FAM83A: variants seen among roughly 807,000 people sequenced by gnomAD.
The protein encoded by FAM83A is protein FAM83A.
A neutral mutation model predicts 24.4 loss-of-function variants in FAM83A; 21 were observed. The ratio of observed to expected loss-of-function variants is 0.86; its 90% CI spans 0.61 to 1.24. The LOEUF (loss-of-function observed/expected upper bound fraction) is 1.24. FAM83A is among the 50% of genes most tolerant of loss of function. The pLI is 0.00. For missense variants in FAM83A, 617 were observed against 579.8 expected (o/e 1.06, Z -0.66); for synonymous variants, 270 against 252.4 (o/e 1.07, Z -0.66).
At chr8:123,190,543 G>A (rs1291078139) in intron 1 of FAM83A, among the ~76,000 whole-genome samples, 1 of 152,044 alleles carries the variant, frequency 6.6e-6, no homozygotes, top group Non-Finnish European at 1.5e-5. Flanking sequence ...GGTATTACAG[G>A]CGTGAGCCAC....
At chr8:123,181,062 T>C (rs1392898666), upstream of FAM83A, among the ~76,000 whole-genome samples, 2 of 152,128 alleles carry the variant, frequency 1.3e-5, no homozygotes, top group Non-Finnish European at 2.9e-5. Context: ...TCCTGCCTGA[T>C]CTCCTGCCCC....
At chr8:123,204,697 C>T (rs1476504716) in intron 3 of FAM83A, among the ~76,000 whole-genome samples, 1 of 151,438 alleles carries the variant, frequency 6.6e-6, no homozygotes, top group African/African-American at 2.4e-5. Context: ...AGGAGGCGAG[C>T]TTGCAGTGAG....
intron 3 of FAM83A, among the ~76,000 whole-genome samples, chr8:123,203,586 C>CAAAAAAAAAAAAA (rs1187426797): frequency 2.4e-5 from 1 of 41,166 alleles, no homozygotes; most frequent in Non-Finnish European, 5.8e-5. Flanking sequence ...AGATCTGTCT[C>CAAAAAAAAAAAAA]AAAAAAAAAA....
chr8:123,184,876 G>T (rs1823739199), intron 1 of FAM83A, among the ~76,000 whole-genome samples: 1 of 152,206 alleles, frequency 6.6e-6, no homozygotes, highest in Non-Finnish European at 1.5e-5. Flanking sequence ...TGTTTGGGTT[G>T]GTTTTTTGCT....
chr8:123,206,704 T>C (rs535704363), intron 3 of FAM83A, among the ~76,000 whole-genome samples: 57 of 152,282 alleles, frequency 3.7e-4, no homozygotes, highest in African/African-American at 1.3e-3. Context: ...AAACACATTC[T>C]GGCCCCTGAG....
At chr8:123,185,899 T>G (rs1823775758) in intron 1 of FAM83A, among the ~76,000 whole-genome samples, 1 of 152,154 alleles carries the variant, frequency 6.6e-6, no homozygotes, top group Non-Finnish European at 1.5e-5. Flanking sequence ...CAAGCGATTC[T>G]CCTGCCTCAG....
At chr8:123,194,220 C>A (rs746176525) in intron 3 of FAM83A, 72 bp downstream of exon 3, 7 of 1,582,674 alleles carry the variant, frequency 4.4e-6, no homozygotes, top group African/African-American at 1.3e-5. Flanking sequence ...GACCAGCTCC[C>A]GCTGCTCAGA....
At chr8:123,207,912 G>T (rs1483922250) in exon 4 of FAM83A, 21 of 1,247,234 alleles carry the variant, frequency 1.7e-5, no homozygotes, top group Non-Finnish European at 2.1e-5. Flanking sequence ...ATTCCAGAAG[G>T]TTCCAGGGAG....
Position 123,209,352 on chromosome 8 carries a change from G to A in FAM83A, c.*1664G>A, listed in dbSNP as rs1471330587. 2 of 1,458,912 alleles carry A rather than the reference G, an allele frequency of 1.4e-6. No homozygotes were observed. Among genetic ancestry groups the A allele is most frequent in the African/African-American group, 1.4e-5 (1 of 69,438 alleles). The allele number at this position is 1,458,912 out of a possible 1,614,324, so 90.4% of individuals were successfully genotyped here. ...CTCCCAGCATGATCTGGGGCATCTT[G>A]GCTTCTGGTTTCTTTTATTATTATT... On this transcript the variant is annotated 3_prime_UTR_variant, in exon 4 of 4. Coordinates refer to ENST00000690554, the Ensembl canonical transcript of FAM83A. The surrounding 1 kb of genome is among the most constrained non-coding windows in gnomAD (Gnocchi z 4.7).
intron 3 of FAM83A, among the ~76,000 whole-genome samples, chr8:123,204,619 G>A (rs973448402): frequency 2.0e-5 from 3 of 151,238 alleles, no homozygotes; most frequent in African/African-American, 4.9e-5. Flanking sequence ...AAAATTAGCC[G>A]GGCATGGTGG....
At chr8:123,203,586 C>CAA (rs1187426797) in intron 3 of FAM83A, among the ~76,000 whole-genome samples, 798 of 40,700 alleles carry the variant, frequency 0.02, 45 homozygotes, top group African/African-American at 0.052. Flanking sequence ...AGATCTGTCT[C>CAA]AAAAAAAAAA....
At chr8:123,181,162 G>A (rs1281396511), upstream of FAM83A, among the ~76,000 whole-genome samples, 2 of 152,120 alleles carry the variant, frequency 1.3e-5, no homozygotes, top group East Asian at 3.9e-4. Context: ...GGCCAGGCTG[G>A]TCTTGAACTC....
At chr8:123,182,904 T>C in exon 1 of FAM83A, 3 of 1,535,880 alleles carry the variant, frequency 2.0e-6, no homozygotes, top group East Asian at 2.3e-5. Flanking sequence ...GTCTGGAAGA[T>C]GTCAAGAGCC....
intron 3 of FAM83A, among the ~76,000 whole-genome samples, chr8:123,198,135 T>TA (rs1315761188): frequency 9.2e-5 from 14 of 151,884 alleles, no homozygotes; most frequent in African/African-American, 3.4e-4. Flanking sequence ...TCCCTTAAAA[T>TA]AAATAAATAA....
intron 1 of FAM83A, among the ~76,000 whole-genome samples, chr8:123,188,267 C>A (rs1477407781): frequency 6.6e-6 from 1 of 152,074 alleles, no homozygotes. Flanking sequence ...CTCGGTGCTT[C>A]TTTCTGATAT....
intron 1 of FAM83A, among the ~76,000 whole-genome samples, chr8:123,186,142 A>G (rs1257891061): frequency 6.6e-6 from 1 of 152,204 alleles, no homozygotes; most frequent in East Asian, 1.9e-4. Context: ...CATGAAGAAA[A>G]GCTCTTTGAG....
rs1463234444 is a variant in FAM83A at position 123,209,500 on chromosome 8, C to T, written c.*1812C>T. ...TTGGTTCCTGATGGCTTTCTGAACC[C>T]AGCCCTGACCTTGTTGTTTCACAGC... On this transcript the variant is annotated 3_prime_UTR_variant, in exon 4 of 4. Coordinates refer to ENST00000690554, the Ensembl canonical transcript of FAM83A. This position sits in a 1 kb window ranked among gnomAD's most constrained non-coding sequence, Gnocchi z 4.7. The T allele has an allele frequency of 1.2e-6, 2 of 1,614,000 alleles. No homozygotes were observed. Among genetic ancestry groups the T allele is most frequent in the East Asian group, 2.2e-5 (1 of 44,908 alleles).
At chr8:123,182,631 C>T (rs936799716), upstream of FAM83A, 13 of 744,040 alleles carry the variant, frequency 1.7e-5, no homozygotes, top group Non-Finnish European at 2.8e-5. Context: ...GGCAGGTGGC[C>T]CTGAGAGATA....
Position 123,206,753 on chromosome 8 carries a change from C to T in FAM83A, c.774-404C>T, listed in dbSNP as rs372385291. Among the ~76,000 whole-genome samples, 4 of 152,260 alleles carry T rather than the reference C, an allele frequency of 2.6e-5. No individual in the cohort carries two copies. In the East Asian group the frequency reaches 7.7e-4, roughly 29 times the overall value. ...GTCTGTAAGAGAGGTGTCGCAATGTCTCTCTCTCAGGGTTTCTGCCAGGAT... is the reference window on the plus strand; with the variant it reads ...GTCTGTAAGAGAGGTGTCGCAATGTTTCTCTCTCAGGGTTTCTGCCAGGAT... On this transcript the variant is annotated intron_variant, in intron 3 of 3. Coordinates refer to ENST00000690554, the Ensembl canonical transcript of FAM83A.
Sources: gnomAD v4.1 joint callset for allele counts (sites outside exome capture counted in the v4.1 genomes callset) on GRCh38, gnomAD v4.1.1 for gene constraint, Gnocchi (gnomAD v3.1) non-coding constraint, MANE v1.5 for transcripts, NCBI Gene and HGNC (gene_info 2026-07-23, HGNC 2026-07-21) for gene names.